TUBG1: variants seen among roughly 807,000 people sequenced by gnomAD.
TUBG1 encodes tubulin gamma 1.
Under a neutral mutation model 53.3 loss-of-function variants are expected in TUBG1, and 22 were observed. The observed-to-expected ratio is 0.41, with a 90% CI of 0.29 to 0.59. The LOEUF (loss-of-function observed/expected upper bound fraction) is 0.59. Ranked by LOEUF, TUBG1 falls within the 20% of genes least tolerant of loss-of-function variation. The pLI, the probability that TUBG1 is intolerant of heterozygous loss-of-function variation, is 0.26. For missense variants in TUBG1, 217 were observed against 598.9 expected (o/e 0.36, Z 6.66); for synonymous variants, 198 against 236.7 (o/e 0.84, Z 1.50).
Position 42,614,640 on chromosome 17 carries a change from C to T in TUBG1, c.1141C>T (p.His381Tyr). 1 of 1,614,010 alleles carries T rather than the reference C, an allele frequency of 6.2e-7. No individual in the cohort carries two copies. The highest frequency in any genetic ancestry group is 8.5e-7 in the Non-Finnish European group (1 of 1,179,910). Reference sequence around the variant, plus strand: ...GGTCAGCGGGCTCATGATGGCCAACCACACCAGCATCTCCTCGGTGAGTCT... The same window carrying T: ...GGTCAGCGGGCTCATGATGGCCAACTACACCAGCATCTCCTCGGTGAGTCT... ...HRVSGLMMANHTSISSLFERT... is the reference protein window; with the variant it reads ...HRVSGLMMANYTSISSLFERT... Residue 381 changes from histidine to tyrosine, a missense_variant, in exon 10 of 11, where the codon CAC becomes TAC. Physicochemically the swap from His to Tyr is moderately conservative, Grantham distance 83 (BLOSUM62 2). This residue lies in a region of TUBG1 where 135 missense variants were observed against 371.2 expected (regional missense o/e 0.36). Coordinates refer to ENST00000251413, the MANE Select transcript of TUBG1 (RefSeq NM_001070.5). This position sits in a 1 kb window ranked among gnomAD's most constrained non-coding sequence, Gnocchi z 5.1.
chr17:42,613,631 T>G lies in TUBG1; in HGVS notation c.607-16T>G. The G allele has an allele frequency of 6.2e-7, 1 of 1,614,106 alleles. No individual in the cohort carries two copies. On this transcript the variant is annotated splice_polypyrimidine_tract_variant and intron_variant, in intron 6 of 10. Coordinates refer to ENST00000251413, the MANE Select transcript of TUBG1 (RefSeq NM_001070.5). ...TCTTATCCCCATTGATCTGTGATCC[T>G]CTTCTGTCCCCCCAGGTGGTGCTGG...
At position 42,614,019 on chromosome 17, in the gene TUBG1, C is replaced by T. The variant is rs974632971; in HGVS notation, c.843+21C>T. ...AGTCAGTAAGAGCAGCCTTCAGTGT[C>T]CCAGGCCAGGCCGGCCCTGGGCCCA... On this transcript the variant is annotated intron_variant, in intron 8 of 10. Transcript: ENST00000251413. This position sits in a 1 kb window ranked among gnomAD's most constrained non-coding sequence, Gnocchi z 5.1. 58 of 1,614,022 alleles carry T rather than the reference C, an allele frequency of 3.6e-5. No individual in the cohort carries two copies. The highest frequency in any genetic ancestry group is 4.6e-5 in the Non-Finnish European group (54 of 1,179,994).
chr17:42,613,428 A>C (rs1375805404), intron 6 of TUBG1, among the ~76,000 whole-genome samples: 1 of 152,102 alleles, frequency 6.6e-6, no homozygotes. Flanking sequence ...GTCTCAAAAA[A>C]CAAGAACAAA....
rs1326464266 is a variant in TUBG1 at position 42,614,598 on chromosome 17, C to T, written c.1099C>T (p.Leu367=). ...GGCCCTGTCGAGGAAGTCTCCCTAC[C>T]TGCCCTCGGCCCACCGGGTCAGCGG... ...QVALSRKSPY[L]PSAHRVSGLM... The change falls in exon 10 of 11, where the codon CTG becomes TTG. Residue 367 remains leucine, a synonymous_variant. Transcript: ENST00000251413. The surrounding 1 kb of genome is among the most constrained non-coding windows in gnomAD (Gnocchi z 5.1). 3.8e-5 allele frequency: 61 copies of T among 1,614,050 alleles called. No individual in the cohort carries two copies. The highest frequency in any genetic ancestry group is 5.1e-5 in the Non-Finnish European group (60 of 1,179,994).
chr17:42,609,926 G>T, intron 1 of TUBG1, 140 bp downstream of exon 1: 2 of 1,368,544 alleles, frequency 1.5e-6, no homozygotes, highest in Non-Finnish European at 9.9e-7. Flanking sequence ...GTGTCCACTT[G>T]CCCAACCCCG....
rs1274544445 is a variant in TUBG1, at chr17:42,614,670, G to A, written c.1158+13G>A. The A allele has an allele frequency of 6.2e-7, 1 of 1,613,464 alleles. No homozygotes were observed. Among genetic ancestry groups the A allele is most frequent in the Non-Finnish European group, 8.5e-7 (1 of 1,179,586 alleles). On this transcript the variant is annotated intron_variant, in intron 10 of 10. Coordinates refer to ENST00000251413, the MANE Select transcript of TUBG1 (RefSeq NM_001070.5). The surrounding 1 kb of genome is among the most constrained non-coding windows in gnomAD (Gnocchi z 5.1). ...CAGCATCTCCTCGGTGAGTCTCAAAGTTTGCACCTTTTTTCCCTGAATCAG... is the reference window on the plus strand; with the variant it reads ...CAGCATCTCCTCGGTGAGTCTCAAAATTTGCACCTTTTTTCCCTGAATCAG...
chr17:42,612,619 C>A, intron 5 of TUBG1, 113 bp downstream of exon 5: 2 of 1,033,438 alleles, frequency 1.9e-6, no homozygotes, highest in Non-Finnish European at 3.0e-6. Flanking sequence ...TTCTTATATT[C>A]CCTCCTATAG....
In TUBG1 at chr17:42,614,282, C is replaced by T; in HGVS notation, c.866C>T (p.Thr289Met). ...DQSVASVRKT[T>M]VLDVMRRLLQ... ...CAGGTGGCCAGCGTGAGGAAGACCACGGTCCTGGATGTCATGAGGCGGCTG... is the reference window on the plus strand; with the variant it reads ...CAGGTGGCCAGCGTGAGGAAGACCATGGTCCTGGATGTCATGAGGCGGCTG... Residue 289 changes from threonine (T) to methionine (M), a missense_variant, in exon 9 of 11, where the codon ACG becomes ATG. Coordinates refer to ENST00000251413, the MANE Select transcript of TUBG1 (RefSeq NM_001070.5). The surrounding 1 kb of genome is among the most constrained non-coding windows in gnomAD (Gnocchi z 5.1). The T allele has an allele frequency of 1.9e-6, 3 of 1,613,956 alleles. No homozygotes were observed. The highest frequency in any genetic ancestry group is 1.7e-6 in the Non-Finnish European group (2 of 1,179,862).
At position 42,614,316 on chromosome 17, in the gene TUBG1, C is replaced by A. The variant is rs763832291; in HGVS notation, c.900C>A (p.Pro300=). The change falls in exon 9 of 11, where the codon CCC becomes CCA. Residue 300 remains proline (P), a synonymous_variant. Transcript: ENST00000251413. The surrounding 1 kb of genome is among the most constrained non-coding windows in gnomAD (Gnocchi z 5.1). ...ATGTCATGAGGCGGCTGCTGCAGCC[C>A]AAGAACGTGATGGTGTCCACAGGCC... ...VLDVMRRLLQ[P]KNVMVSTGRD... is the part of the protein sequence containing the mutation. 5 of 1,613,822 alleles carry A rather than the reference C, an allele frequency of 3.1e-6. No homozygotes were observed. Among genetic ancestry groups the A allele is most frequent in the Middle Eastern group, 3.3e-4 (2 of 6,078 alleles).
Position 42,610,017 on chromosome 17 carries a change from C to T in TUBG1, c.50-91C>T, listed in dbSNP as rs896146183. On this transcript the variant is annotated intron_variant, in intron 1 of 10. Transcript: ENST00000251413. The stretch of plus-strand genomic sequence containing the variant: ...AGTCCTGCGGCTTGACTTCTTATCC[C>T]TGGACGCAGGCGCCCAGTCCCCCGG... 6.0e-6 allele frequency: 9 copies of T among 1,487,678 alleles called. No homozygotes were observed. In the African/African-American group the frequency reaches 1.3e-4, roughly 21 times the overall value. 92.2% of individuals were successfully genotyped at this position (1,487,678 alleles called of 1,614,324 possible).
chr17:42,612,752 C>G (rs781772562), intron 5 of TUBG1, among the ~76,000 whole-genome samples, 195 bp from the exon 6 acceptor site: 6 of 151,922 alleles, frequency 3.9e-5, no homozygotes, highest in African/African-American at 9.7e-5. Flanking sequence ...ATTTGGAAGC[C>G]CAGAGTCTAA....
rs1567932143 is a variant in TUBG1, at chr17:42,614,852, GA to G, written c.1168del (p.Arg390GlufsTer121). 6.2e-7 allele frequency: 1 copy of G among 1,614,204 alleles called. No individual in the cohort carries two copies. The highest frequency in any genetic ancestry group is 8.5e-7 in the Non-Finnish European group (1 of 1,180,030). ...TTTCTGCACACCCCAAGCTCTTCGA[GA>G]GAACCTGTCGCCAGTATGACAAGCT... Reference protein sequence around the residue: ...NHTSISSLFERTCRQYDKLRK... With the variant: ...NHTSISSLFEXTCRQYDKLRK... On this transcript the variant is annotated frameshift_variant, in exon 11 of 11. Transcript: ENST00000251413. LOFTEE classifies it high-confidence loss of function. The surrounding 1 kb of genome is among the most constrained non-coding windows in gnomAD (Gnocchi z 5.1).
In TUBG1 at chr17:42,612,410, G is replaced by A; in HGVS notation, c.400-17G>A. ...GCCACTAGATACCTGTACACTGACT[G>A]CCCCTTCCCCATGCAGGGCTTTGTG... On this transcript the variant is annotated splice_polypyrimidine_tract_variant and intron_variant, in intron 4 of 10. Transcript: ENST00000251413. The A allele has an allele frequency of 6.2e-7, 1 of 1,613,500 alleles. No homozygotes were observed.
chr17:42,612,393 A>G (rs1272585372), intron 4 of TUBG1, 34 bp from the exon 5 acceptor site: 8 of 1,605,246 alleles, frequency 5.0e-6, no homozygotes, highest in Non-Finnish European at 6.8e-6. Flanking sequence ...CTGCCACTAG[A>G]TACCTGTACA....
At chr17:42,610,737 C>A in intron 3 of TUBG1, 147 bp downstream of exon 3, 1 of 1,143,068 alleles carries the variant, frequency 8.7e-7, no homozygotes, top group Non-Finnish European at 1.2e-6. Context: ...GTAATATTGT[C>A]AAGCGCCTAC....
chr17:42,615,120 G>A lies in TUBG1; in HGVS notation c.*79G>A. ...TGACTGACCACCCCCTCAGAGCACAGATCAGGGACCTCACGCATCTCTTTC... is the reference window on the plus strand; with the variant it reads ...TGACTGACCACCCCCTCAGAGCACAAATCAGGGACCTCACGCATCTCTTTC... On this transcript the variant is annotated 3_prime_UTR_variant, in exon 11 of 11. Transcript: ENST00000251413. The A allele has an allele frequency of 7.0e-7, 1 of 1,425,726 alleles. No individual in the cohort carries two copies. Among genetic ancestry groups the A allele is most frequent in the Non-Finnish European group, 9.7e-7 (1 of 1,026,378 alleles). The allele number at this position is 1,425,726 out of a possible 1,614,324, so 88.3% of individuals were successfully genotyped here. A position where few individuals can be genotyped will look rare whatever the true frequency, so the allele number is the denominator to read the frequency against.
intron 3 of TUBG1, among the ~76,000 whole-genome samples, chr17:42,611,624 G>C (rs1597748174): frequency 1.3e-5 from 2 of 152,174 alleles, no homozygotes; most frequent in East Asian, 1.9e-4. Flanking sequence ...GGGAGGCCAA[G>C]GCAGGCAGAT....
At position 42,613,968 on chromosome 17, in the gene TUBG1, C is replaced by T. The variant is rs147337786; in HGVS notation, c.813C>T (p.Thr271=). 1,537 of 1,614,186 alleles carry T rather than the reference C, an allele frequency of 9.5e-4. 28 individuals carry two copies. The East Asian group carries it at 0.027, about 29-fold the overall frequency. The part of the protein sequence containing the change: ...IPTPRLHFLM[T]GYTPLTTDQS... ...CCCCACGGCTCCACTTCCTCATGAC[C>T]GGCTACACCCCTCTCACTACGGACC... The change falls in exon 8 of 11, where the codon ACC becomes ACT. Residue 271 remains threonine, a synonymous_variant. Coordinates refer to ENST00000251413, the MANE Select transcript of TUBG1 (RefSeq NM_001070.5).
Position 42,609,707 on chromosome 17 carries a change from G to T in TUBG1, c.-31G>T, listed in dbSNP as rs1314655818. ...TGGCGTGCGGCGCCGTTGCGGGCGG[G>T]AGCGGCTGCAACGCCGGTGCCTGAG... On this transcript the variant is annotated 5_prime_UTR_variant, in exon 1 of 11. Coordinates refer to ENST00000251413, the MANE Select transcript of TUBG1 (RefSeq NM_001070.5). 3 of 1,542,264 alleles carry T rather than the reference G, an allele frequency of 1.9e-6. No individual in the cohort carries two copies. The highest frequency in any genetic ancestry group is 2.6e-6 in the Non-Finnish European group (3 of 1,142,902).
Sources: gnomAD v4.1 joint callset for allele counts (sites outside exome capture counted in the v4.1 genomes callset) on GRCh38, gnomAD v4.1.1 for gene constraint, gnomAD v4.1.1 regional missense constraint, Gnocchi (gnomAD v3.1) non-coding constraint, MANE v1.5 for transcripts, NCBI Gene and HGNC (gene_info 2026-07-23, HGNC 2026-07-21) for gene names.